Variants in RILPL1 observed in about 807,000 individuals in gnomAD.
RILPL1 encodes the protein RILP-like protein 1.
Under a neutral mutation model 50.3 loss-of-function variants are expected in RILPL1, and 33 were observed. The observed-to-expected ratio is 0.66, with a 90% CI of 0.50 to 0.88. RILPL1 has a LOEUF of 0.88. Ranked by LOEUF, RILPL1 falls within the 40% of genes least tolerant of loss-of-function variation. The pLI is 0.00. For missense variants in RILPL1, 418 were observed against 542.5 expected, an observed-to-expected ratio of 0.77 and a Z score of 2.28; for synonymous variants, 205 against 228.6, an observed-to-expected ratio of 0.90 and a Z score of 0.93.
At chr12:123,509,988 G>A (rs1340367275) in intron 2 of RILPL1, among the ~76,000 whole-genome samples, 3 of 152,242 alleles carry the variant, frequency 2.0e-5, no homozygotes, top group Non-Finnish European at 4.4e-5. Context: ...TGGGGCAGGG[G>A]CTCCCGATGA....
chr12:123,517,866 C>CT (rs1884796014), intron 2 of RILPL1, among the ~76,000 whole-genome samples: 2 of 152,164 alleles, frequency 1.3e-5, no homozygotes, highest in Non-Finnish European at 2.9e-5. Flanking sequence ...AATGTAGGGC[C>CT]TGCACACAAT....
At chr12:123,529,636 C>T (rs1456242889) in intron 1 of RILPL1, among the ~76,000 whole-genome samples, 1 of 151,420 alleles carries the variant, frequency 6.6e-6, no homozygotes, top group Admixed American at 6.6e-5. Flanking sequence ...AACCTGTAGT[C>T]CCAGCACTTT....
chr12:123,479,662 G>C (rs2139310267), intron 6 of RILPL1, among the ~76,000 whole-genome samples: 1 of 152,314 alleles, frequency 6.6e-6, no homozygotes, highest in African/African-American at 2.4e-5. Context: ...CTTTGTGCCA[G>C]TTTGCTCTCC....
At position 123,512,387 on chromosome 12, in the gene RILPL1, T is replaced by A. The variant is rs1787498681; in HGVS notation, c.460+11108A>T. Among the ~76,000 whole-genome samples the A allele has an allele frequency of 5.8e-5, 8 of 138,198 alleles. No homozygotes were observed. In the Admixed American group the frequency reaches 5.8e-4, roughly 10 times the overall value. 90.7% of individuals were successfully genotyped at this position (138,198 alleles called of 152,430 possible). A position where few individuals can be genotyped will look rare whatever the true frequency, so the allele number is the denominator to read the frequency against. ...GTGTGTGTGGTGTGTCTGAGGTCTG[T>A]GTGTGTGGTGTGTGAGGTCTGTGTG... On this transcript the variant is annotated intron_variant, in intron 2 of 6. Coordinates refer to ENST00000376874, the MANE Select transcript of RILPL1 (RefSeq NM_178314.5).
At chr12:123,527,182 T>C (rs564010293) in intron 1 of RILPL1, among the ~76,000 whole-genome samples, 1 of 151,796 alleles carries the variant, frequency 6.6e-6, no homozygotes, top group Non-Finnish European at 1.5e-5. Flanking sequence ...AATACAAAAA[T>C]TAGCTGGGCG....
intron 6 of RILPL1, chr12:123,473,970 C>T (rs1401490908): frequency 2.0e-5 from 3 of 152,130 alleles, no homozygotes; most frequent in African/African-American, 7.2e-5. Context: ...CTGCAACCTC[C>T]ACCTCCCCGG....
chr12:123,485,586 C>T lies in RILPL1; in HGVS notation c.974+47G>A. 1 of 1,575,988 alleles carries T rather than the reference C, an allele frequency of 6.3e-7. No individual in the cohort carries two copies. The highest frequency in any genetic ancestry group is 8.7e-7 in the Non-Finnish European group (1 of 1,153,858). On this transcript the variant is annotated intron_variant, in intron 5 of 6. Coordinates refer to ENST00000376874, the MANE Select transcript of RILPL1 (RefSeq NM_178314.5). The surrounding 1 kb of genome is among the most constrained non-coding windows in gnomAD (Gnocchi z 4.0). ...GTAACTGTACAGAAACTCTGGCTAA[C>T]CTCAGTAAGGAGCCAGCTCGGGCCA...
At chr12:123,504,295 C>T (rs959058949) in intron 2 of RILPL1, among the ~76,000 whole-genome samples, 9 of 152,170 alleles carry the variant, frequency 5.9e-5, no homozygotes, top group African/African-American at 2.2e-4. Flanking sequence ...CAGAGGCAAC[C>T]CCTCAGCTAT....
intron 2 of RILPL1, among the ~76,000 whole-genome samples, chr12:123,519,050 C>G (rs1411329377): frequency 2.2e-5 from 2 of 91,136 alleles, no homozygotes; most frequent in African/African-American, 8.9e-5. Context: ...GAGTGAGACT[C>G]CATCTCAAAA....
chr12:123,495,095 C>T (rs1882942627), intron 4 of RILPL1, among the ~76,000 whole-genome samples: 2 of 152,262 alleles, frequency 1.3e-5, no homozygotes, highest in Admixed American at 6.5e-5. Context: ...GTAGTTGTTT[C>T]GGTGATAGGC....
At chr12:123,521,952 T>C (rs1885083310) in intron 2 of RILPL1, among the ~76,000 whole-genome samples, 1 of 151,892 alleles carries the variant, frequency 6.6e-6, no homozygotes, top group South Asian at 2.1e-4. Flanking sequence ...TTTTTGTATT[T>C]TTCGTAGAGA....
rs187464635 is a variant in RILPL1, at chr12:123,495,060, T to C, written c.801+3484A>G. ...CAGCCATGTGACTCAGGAATAAACA[T>C]GCATATTCTAGGTCTCTGGCCACAG... On this transcript the variant is annotated intron_variant, in intron 4 of 6. Transcript: ENST00000376874. Among the ~76,000 whole-genome samples the C allele has an allele frequency of 3.3e-5, 5 of 152,246 alleles. No homozygotes were observed. The East Asian group carries it at 9.7e-4, about 29-fold the overall frequency.
Position 123,472,559 on chromosome 12 carries a change from C to T in RILPL1, c.1191G>A (p.Gln397=). The T allele has an allele frequency of 6.4e-7, 1 of 1,552,446 alleles. No individual in the cohort carries two copies. The highest frequency in any genetic ancestry group is 8.7e-7 in the Non-Finnish European group (1 of 1,147,480). The change falls in exon 7 of 7, where the codon CAG becomes CAA. Residue 397 remains glutamine, a synonymous_variant. Coordinates refer to ENST00000376874, the MANE Select transcript of RILPL1 (RefSeq NM_178314.5). ...HRDDGYTEQG[Q]EALQHL is the part of the protein sequence containing the mutation. ...AAGGTCACAGATGCTGCAGGGCTTC[C>T]TGTCCTTGCTCTGTGTAACCGTCAT...
intron 2 of RILPL1, chr12:123,515,366 G>T (rs1884625090): frequency 6.6e-6 from 1 of 151,844 alleles, no homozygotes; most frequent in Non-Finnish European, 1.5e-5. Context: ...CAGTGGGGGT[G>T]AAGCAAAGGG....
intron 2 of RILPL1, among the ~76,000 whole-genome samples, chr12:123,510,771 CTGTG>C (rs1250461522): frequency 1.6e-5 from 1 of 60,744 alleles, no homozygotes; most frequent in Non-Finnish European, 3.2e-5. Context: ...AATGTGGGGT[CTGTG>C]TGTGTGTGGT....
At chr12:123,508,301 G>A (rs1883881197) in intron 2 of RILPL1, among the ~76,000 whole-genome samples, 1 of 152,134 alleles carries the variant, frequency 6.6e-6, no homozygotes, top group Non-Finnish European at 1.5e-5. Flanking sequence ...GGCTGAGGTA[G>A]GAGGATCACC....
At chr12:123,475,826 C>CA in intron 6 of RILPL1, 2 of 865,474 alleles carry the variant, frequency 2.3e-6, no homozygotes, top group Non-Finnish European at 3.7e-6. Context: ...TCCACAGACA[C>CA]CAGTGGAAGG....
At chr12:123,499,613 T>C in intron 2 of RILPL1, 77 bp from the exon 3 acceptor site, 1 of 1,157,908 alleles carries the variant, frequency 8.6e-7, no homozygotes, top group Non-Finnish European at 1.3e-6. Context: ...CTGCTGAGGA[T>C]GAAACTGAGG....
At chr12:123,493,078 T>C (rs1191784962) in intron 4 of RILPL1, among the ~76,000 whole-genome samples, 2 of 152,132 alleles carry the variant, frequency 1.3e-5, no homozygotes, top group African/African-American at 2.4e-5. Flanking sequence ...CCTCTTGCAG[T>C]TGAGACAAGA....
Sources: allele counts gnomAD v4.1 joint callset (sites outside exome capture counted in the v4.1 genomes callset), GRCh38; gene constraint gnomAD v4.1.1; non-coding constraint Gnocchi (gnomAD v3.1); transcripts MANE v1.5; gene names NCBI Gene and HGNC (gene_info 2026-07-23, HGNC 2026-07-21).